PRRX1: variants seen among roughly 807,000 people sequenced by gnomAD.
PRRX1 encodes paired mesoderm homeobox protein 1.
In PRRX1, 8 loss-of-function variants were observed where a neutral mutation model predicts 24.0. That is an observed-to-expected ratio of 0.33 (90% CI 0.20 to 0.60). The LOEUF (loss-of-function observed/expected upper bound fraction) is 0.60. Among genes scored for constraint, PRRX1 ranks in the 20% least tolerant of loss-of-function variants. PRRX1 has a pLI of 0.82. For missense variants in PRRX1, 281 were observed against 322.4 expected, an observed-to-expected ratio of 0.87 and a Z score of 0.98; for synonymous variants, 160 against 131.7, an observed-to-expected ratio of 1.22 and a Z score of -1.47.
At chr1:170,705,240 A>G (rs1269940315) in intron 1 of PRRX1, among the ~76,000 whole-genome samples, 1 of 152,162 alleles carries the variant, frequency 6.6e-6, no homozygotes, top group Non-Finnish European at 1.5e-5. Context: ...TCACTTCACT[A>G]GGAACCTTAC....
intron 1 of PRRX1, among the ~76,000 whole-genome samples, chr1:170,666,417 CAAAAAAAAA>C (rs35075394): frequency 2.6e-5 from 2 of 75,946 alleles, no homozygotes; most frequent in African/African-American, 1.1e-4. Flanking sequence ...GACTCCGTCT[CAAAAAAAAA>C]AAAAAAAAAA....
chr1:170,698,293 G>A (rs1654239796), intron 1 of PRRX1, among the ~76,000 whole-genome samples: 1 of 151,980 alleles, frequency 6.6e-6, no homozygotes, highest in Non-Finnish European at 1.5e-5. Context: ...AGCTAAATAA[G>A]GCTATATACT....
intron 2 of PRRX1, among the ~76,000 whole-genome samples, chr1:170,720,482 C>T (rs1198323782): frequency 6.6e-6 from 1 of 152,142 alleles, no homozygotes; most frequent in Non-Finnish European, 1.5e-5. Flanking sequence ...GTTCCTCTCC[C>T]AGCACCCCTT....
At chr1:170,689,831 T>TCTCTCC (rs1653871502) in intron 1 of PRRX1, among the ~76,000 whole-genome samples, 1 of 65,470 alleles carries the variant, frequency 1.5e-5, no homozygotes, top group Non-Finnish European at 3.2e-5. Flanking sequence ...TCTCTCTCTC[T>TCTCTCC]CTCTCTCCCT....
At chr1:170,695,233 TGATTTGCACAAGATCAGCCAGCTA>T (rs1654129378) in intron 1 of PRRX1, among the ~76,000 whole-genome samples, 1 of 152,090 alleles carries the variant, frequency 6.6e-6, no homozygotes, top group Non-Finnish European at 1.5e-5. Flanking sequence ...GAAACTGAAG[TGATTTGCACAAGATCAGCCAGCTA>T]GCTGCACAAC....
intron 1 of PRRX1, among the ~76,000 whole-genome samples, chr1:170,684,036 G>A (rs1306486810): frequency 6.6e-6 from 1 of 152,162 alleles, no homozygotes; most frequent in East Asian, 1.9e-4. Context: ...AGAAGTGAAT[G>A]GCATGACCTC....
At chr1:170,719,097 A>G (rs1655000274) in intron 1 of PRRX1, among the ~76,000 whole-genome samples, 1 of 152,164 alleles carries the variant, frequency 6.6e-6, no homozygotes, top group Non-Finnish European at 1.5e-5. Context: ...GCATTGTAGC[A>G]CTAGTCCTGA....
At chr1:170,671,308 G>A (rs1478467764) in intron 1 of PRRX1, among the ~76,000 whole-genome samples, 1 of 152,204 alleles carries the variant, frequency 6.6e-6, no homozygotes, top group Non-Finnish European at 1.5e-5. Flanking sequence ...GGAATGGGTG[G>A]AAGAGTAATT....
intron 1 of PRRX1, among the ~76,000 whole-genome samples, chr1:170,664,909 A>C (rs1360249790): frequency 6.6e-6 from 1 of 152,214 alleles, no homozygotes; most frequent in Non-Finnish European, 1.5e-5. Context: ...CGGGCAGCGT[A>C]TGACGGCTTG....
At chr1:170,731,360 G>A (rs964956427) in intron 3 of PRRX1, among the ~76,000 whole-genome samples, 4 of 152,150 alleles carry the variant, frequency 2.6e-5, no homozygotes, top group Non-Finnish European at 5.9e-5. Flanking sequence ...AAAACTCATA[G>A]ACTTCTCGGC....
intron 1 of PRRX1, among the ~76,000 whole-genome samples, chr1:170,707,838 T>C (rs76525546): frequency 0.01 from 1,580 of 152,272 alleles, 33 homozygotes; most frequent in African/African-American, 0.036. Flanking sequence ...TTTTTCAAAG[T>C]AATTTAAAAA....
chr1:170,727,988 A>G (rs1037745347), intron 3 of PRRX1: 1 of 152,182 alleles, frequency 6.6e-6, no homozygotes, highest in Non-Finnish European at 1.5e-5. Context: ...TGTGTTCATG[A>G]ACACGCTAAA....
intron 3 of PRRX1, 31 bp downstream of exon 3, chr1:170,726,432 A>G (rs1655257871): frequency 1.2e-6 from 2 of 1,603,948 alleles, no homozygotes; most frequent in African/African-American, 1.3e-5. Context: ...CCCTTGCTCC[A>G]CTTCCACATG....
chr1:170,719,211 A>T (rs1655003438), intron 1 of PRRX1, among the ~76,000 whole-genome samples: 1 of 152,200 alleles, frequency 6.6e-6, no homozygotes, highest in African/African-American at 2.4e-5. Context: ...TGGTAAAACA[A>T]ATCCCTGTAA....
At chr1:170,707,980 A>C (rs996377866) in intron 1 of PRRX1, among the ~76,000 whole-genome samples, 2 of 152,210 alleles carry the variant, frequency 1.3e-5, no homozygotes. Context: ...ATGGTGATTA[A>C]AGAGTCATTG....
At chr1:170,715,826 C>A (rs1329243190) in intron 1 of PRRX1, among the ~76,000 whole-genome samples, 6 of 152,094 alleles carry the variant, frequency 3.9e-5, no homozygotes, top group African/African-American at 1.4e-4. Context: ...TTTCTCAGAC[C>A]CTCTTTATAA....
intron 1 of PRRX1, among the ~76,000 whole-genome samples, chr1:170,673,358 T>C (rs1350809624): frequency 3.3e-5 from 5 of 152,224 alleles, no homozygotes; most frequent in Non-Finnish European, 4.4e-5. Flanking sequence ...AGTATACTAC[T>C]GGGACAGTTG....
chr1:170,731,165 T>C (rs1655426028), intron 3 of PRRX1, among the ~76,000 whole-genome samples: 1 of 152,232 alleles, frequency 6.6e-6, no homozygotes. Context: ...TTTTTAAAAG[T>C]AAATTTCCCT....
chr1:170,687,545 C>T (rs1443057139), intron 1 of PRRX1, among the ~76,000 whole-genome samples: 2 of 152,288 alleles, frequency 1.3e-5, no homozygotes, highest in South Asian at 2.1e-4. Context: ...TATGAAGTCG[C>T]CCTCTGAGCC....
Sources: gnomAD v4.1 joint callset for allele counts (sites outside exome capture counted in the v4.1 genomes callset) on GRCh38, gnomAD v4.1.1 for gene constraint, MANE v1.5 for transcripts, NCBI Gene and HGNC (gene_info 2026-07-23, HGNC 2026-07-21) for gene names.